The following CFTR variants were observed in gnomAD, a reference collection of about 807,000 sequenced individuals.
CFTR encodes cystic fibrosis transmembrane conductance regulator.
A neutral mutation model predicts 171.6 loss-of-function variants in CFTR; 181 were observed. The ratio of observed to expected loss-of-function variants is 1.05; its 90% CI spans 0.93 to 1.19. The LOEUF (loss-of-function observed/expected upper bound fraction) is 1.19. Ranked by LOEUF, CFTR falls within the 50% of genes most tolerant of loss-of-function variation. The pLI is 0.00. For synonymous variants in CFTR, 583 were observed against 608.0 expected (o/e 0.96, Z 0.60); for missense variants, 1,968 against 1,734.7 (o/e 1.13, Z -2.39).
chr7:117,555,010 AGGCTTGAACTG>A (rs2115922979), intron 10 of CFTR, among the ~76,000 whole-genome samples: 1 of 152,306 alleles, frequency 6.6e-6, no homozygotes, highest in East Asian at 1.9e-4. Context: ...TAAACAATAC[AGGCTTGAACTG>A]CATGGGTCCA....
intron 10 of CFTR, among the ~76,000 whole-genome samples, chr7:117,554,422 T>C (rs946345525): frequency 2.0e-5 from 3 of 152,144 alleles, no homozygotes; most frequent in Non-Finnish European, 2.9e-5. Context: ...TGCCGTTTAC[T>C]AGAAAGATAA....
chr7:117,653,544 T>G (rs1160252656), intron 24 of CFTR, among the ~76,000 whole-genome samples: 1 of 152,138 alleles, frequency 6.6e-6, no homozygotes, highest in Non-Finnish European at 1.5e-5. Flanking sequence ...TCTCATGACC[T>G]AATCACCTCC....
chr7:117,499,210 G>A (rs1316512758), intron 1 of CFTR, among the ~76,000 whole-genome samples: 1 of 152,080 alleles, frequency 6.6e-6, no homozygotes, highest in Non-Finnish European at 1.5e-5. Flanking sequence ...TTTGGCAGAT[G>A]AAAATGTCAG....
At chr7:117,649,495 GTGTATATA>G (rs1562925206) in intron 23 of CFTR, among the ~76,000 whole-genome samples, 18 of 138,504 alleles carry the variant, frequency 1.3e-4, no homozygotes, top group East Asian at 4.0e-4. Flanking sequence ...GTGTGTGTGT[GTGTATATA>G]TATATATATA....
chr7:117,589,259 G>C (rs1180100529), intron 12 of CFTR, among the ~76,000 whole-genome samples: 5 of 151,964 alleles, frequency 3.3e-5, no homozygotes, highest in Non-Finnish European at 5.9e-5. Flanking sequence ...ATTTTGATGG[G>C]ATCCATTATG....
chr7:117,542,802 C>A (rs1799079129), intron 9 of CFTR, among the ~76,000 whole-genome samples: 1 of 152,092 alleles, frequency 6.6e-6, no homozygotes, highest in African/African-American at 2.4e-5. Flanking sequence ...TAATATTTAC[C>A]TTGCAAGTTT....
chr7:117,497,444 T>G (rs577899675), intron 1 of CFTR, among the ~76,000 whole-genome samples: 4 of 152,204 alleles, frequency 2.6e-5, no homozygotes, highest in Admixed American at 1.3e-4. Flanking sequence ...AACATTGAAT[T>G]TGGCTCTCAT....
At chr7:117,585,976 A>T (rs539028511) in intron 11 of CFTR, among the ~76,000 whole-genome samples, 1 of 152,310 alleles carries the variant, frequency 6.6e-6, no homozygotes, top group South Asian at 2.1e-4. Flanking sequence ...ATACGATTTG[A>T]AAAAGGAAAA....
intron 11 of CFTR, among the ~76,000 whole-genome samples, chr7:117,573,078 G>A (rs1415372318): frequency 6.7e-6 from 1 of 149,760 alleles, no homozygotes; most frequent in African/African-American, 2.5e-5. Flanking sequence ...CTCTCTTTCT[G>A]TCAATATAGC....
At chr7:117,594,574 G>C (rs1248149520) in intron 14 of CFTR, among the ~76,000 whole-genome samples, 1 of 152,142 alleles carries the variant, frequency 6.6e-6, no homozygotes, top group East Asian at 1.9e-4. Flanking sequence ...AAATCAAAGA[G>C]AGTTCTGGGA....
chr7:117,583,590 T>C (rs1791884546), intron 11 of CFTR, among the ~76,000 whole-genome samples: 1 of 152,148 alleles, frequency 6.6e-6, no homozygotes, highest in Admixed American at 6.6e-5. Context: ...GGCATTTAGG[T>C]TGGACCCATA....
chr7:117,627,431 C>A (rs1183399067), intron 21 of CFTR, 91 bp from the exon 22 acceptor site: 22 of 1,341,862 alleles, frequency 1.6e-5, no homozygotes, highest in Non-Finnish European at 2.3e-5. Context: ...GCAAGTGTTG[C>A]ATTTTACAAG....
chr7:117,658,551 A>G (rs1235886082), intron 24 of CFTR, among the ~76,000 whole-genome samples: 3 of 152,072 alleles, frequency 2.0e-5, no homozygotes, highest in Admixed American at 1.3e-4. Context: ...TTTCCACCTG[A>G]TATCTCAGCA....
intron 22 of CFTR, among the ~76,000 whole-genome samples, chr7:117,640,566 A>G (rs1792896360): frequency 6.6e-6 from 1 of 152,154 alleles, no homozygotes; most frequent in Non-Finnish European, 1.5e-5. Context: ...ACCTTATAGC[A>G]AATTACTTTC....
intron 9 of CFTR, among the ~76,000 whole-genome samples, chr7:117,546,021 TCTCA>T (rs932181929): frequency 6.6e-6 from 1 of 151,488 alleles, no homozygotes; most frequent in African/African-American, 2.4e-5. Flanking sequence ...TGAGACAGAG[TCTCA>T]CTCTGTCACC....
chr7:117,590,186 G>C (rs968197940), intron 12 of CFTR, among the ~76,000 whole-genome samples, 167 bp from the exon 13 acceptor site: 1 of 151,918 alleles, frequency 6.6e-6, no homozygotes, highest in Admixed American at 6.6e-5. Context: ...GTAAAAACAT[G>C]TATAAAAGTG....
chr7:117,517,448 G>A (rs1798612654), intron 3 of CFTR, among the ~76,000 whole-genome samples: 1 of 152,088 alleles, frequency 6.6e-6, no homozygotes, highest in African/African-American at 2.4e-5. Context: ...TCTTTATCCA[G>A]TCTATCATTG....
chr7:117,571,152 T>A (rs1791681841), intron 11 of CFTR, among the ~76,000 whole-genome samples: 1 of 152,154 alleles, frequency 6.6e-6, no homozygotes, highest in Admixed American at 6.6e-5. Flanking sequence ...AAGCTTGTGT[T>A]ATAAAGCCAG....
intron 21 of CFTR, among the ~76,000 whole-genome samples, chr7:117,623,336 A>T (rs541413902): frequency 2.0e-5 from 3 of 152,230 alleles, no homozygotes; most frequent in African/African-American, 4.8e-5. Flanking sequence ...CTAGACAGAG[A>T]TATCCCTCGA....
Sources: gnomAD v4.1 joint callset for allele counts (sites outside exome capture counted in the v4.1 genomes callset) on GRCh38, gnomAD v4.1.1 for gene constraint, MANE v1.5 for transcripts, NCBI Gene and HGNC (gene_info 2026-07-23, HGNC 2026-07-21) for gene names.